FILIP1L: variants seen among roughly 807,000 people sequenced by gnomAD.
FILIP1L encodes filamin A interacting protein 1 like.
FILIP1L carries 55 observed loss-of-function variants against 96.6 expected under a neutral mutation model. The ratio of observed to expected loss-of-function variants is 0.57; its 90% confidence interval spans 0.46 to 0.71. The LOEUF (loss-of-function observed/expected upper bound fraction) is 0.71. Among genes scored for constraint, FILIP1L ranks in the 30% least tolerant of loss-of-function variants. FILIP1L has a pLI of 0.00. For synonymous variants in FILIP1L, 467 were observed against 473.9 expected (o/e 0.99, Z 0.19); for missense variants, 1,304 against 1,321.2 (o/e 0.99, Z 0.20).
intron 1 of FILIP1L, among the ~76,000 whole-genome samples, chr3:100,069,042 G>A (rs1262315096): frequency 6.6e-6 from 1 of 152,106 alleles, no homozygotes; most frequent in African/African-American, 2.4e-5. Context: ...CGTGATTTGG[G>A]CACTTCATAA....
intron 1 of FILIP1L, among the ~76,000 whole-genome samples, chr3:99,985,170 C>A (rs944122489): frequency 6.6e-6 from 1 of 151,840 alleles, no homozygotes; most frequent in Non-Finnish European, 1.5e-5. Flanking sequence ...AAAAATCATC[C>A]TAGGGGGTCA....
intron 1 of FILIP1L, among the ~76,000 whole-genome samples, chr3:100,055,896 A>T (rs767633898): frequency 5.3e-5 from 8 of 152,224 alleles, no homozygotes; most frequent in Non-Finnish European, 1.2e-4. Context: ...CAAGGAGTCC[A>T]AAGATTATCT....
chr3:99,876,188 G>C, intron 4 of FILIP1L: 2 of 985,426 alleles, frequency 2.0e-6, no homozygotes, highest in Non-Finnish European at 2.4e-6. Context: ...GGGGCGCTGA[G>C]CGCGCCCGGC....
At chr3:99,964,823 C>A (rs1476302281) in intron 1 of FILIP1L, among the ~76,000 whole-genome samples, 1 of 152,184 alleles carries the variant, frequency 6.6e-6, no homozygotes, top group African/African-American at 2.4e-5. Flanking sequence ...ACACACCTCT[C>A]ATCTACTATG....
rs543932490 is a variant in FILIP1L, at chr3:100,104,510, T to G, written c.-11+9543A>C. 5.3e-5 allele frequency among the ~76,000 whole-genome samples: 8 copies of G among 152,306 alleles called. No homozygotes were observed. In the South Asian group the frequency reaches 1.4e-3, roughly 28 times the overall value. On this transcript the variant is annotated intron_variant, in intron 1 of 5. Coordinates refer to ENST00000477258, the MANE Select transcript of FILIP1L (RefSeq NM_001387850.1). ...ACTGTTAGCAGTTCACAACTTTGTT[T>G]AAAGAACAATGGCTTGGAACATAGG...
At chr3:100,071,508 A>C (rs776294275) in intron 1 of FILIP1L, among the ~76,000 whole-genome samples, 6 of 152,110 alleles carry the variant, frequency 3.9e-5, no homozygotes, top group Non-Finnish European at 5.9e-5. Flanking sequence ...TAAAATTTAC[A>C]TGGGAGAAGG....
intron 1 of FILIP1L, among the ~76,000 whole-genome samples, chr3:100,061,535 A>G (rs1019626288): frequency 2.0e-5 from 3 of 152,244 alleles, no homozygotes; most frequent in Non-Finnish European, 4.4e-5. Flanking sequence ...AATGAAAAGA[A>G]GAAGAGAAAG....
rs1191106011 is a variant in FILIP1L, at chr3:99,977,538, G to A, written c.-10-46508C>T. Among the ~76,000 whole-genome samples, 9 of 152,100 alleles carry A rather than the reference G, an allele frequency of 5.9e-5. 1 individual carries two copies. In the South Asian group the frequency reaches 1.5e-3, roughly 25 times the overall value. On this transcript the variant is annotated intron_variant, in intron 1 of 5. Transcript: ENST00000477258. ...ATTACTTGTTTTCCTGGGAATGTAA[G>A]CAAGTAATTACCTCCAAAAAGAATA...
chr3:100,011,116 C>T (rs1177017665), intron 1 of FILIP1L, among the ~76,000 whole-genome samples: 1 of 152,076 alleles, frequency 6.6e-6, no homozygotes, highest in East Asian at 1.9e-4. Context: ...TTAAGCACGA[C>T]AGAGACAAAG....
intron 1 of FILIP1L, among the ~76,000 whole-genome samples, chr3:100,110,495 A>G (rs2066472909): frequency 6.6e-6 from 1 of 152,188 alleles, no homozygotes; most frequent in Non-Finnish European, 1.5e-5. Context: ...ATTTCAAGCC[A>G]CAAATAGAGA....
In FILIP1L at chr3:99,849,833, T is replaced by C; in HGVS notation, c.1843A>G (p.Thr615Ala). 6.2e-7 allele frequency: 1 copy of C among 1,611,420 alleles called. No individual in the cohort carries two copies. The highest frequency in any genetic ancestry group is 8.5e-7 in the Non-Finnish European group (1 of 1,179,556). ...TTGTTTTCTTGGTGTAATGCTGTTG[T>C]GGATTTCCCAGAGTCTTGATTTAAT... ...NKLNQDSGKS[T>A]TALHQENNKI... Residue 615 changes from threonine to alanine, a missense_variant, in exon 5 of 6, where the codon ACA becomes GCA. By Grantham distance (58) the Thr-to-Ala change is moderately conservative (BLOSUM62 0). Coordinates refer to ENST00000477258, the MANE Select transcript of FILIP1L (RefSeq NM_001387850.1).
chr3:100,088,712 C>G (rs1240522830), intron 1 of FILIP1L, among the ~76,000 whole-genome samples: 1 of 152,016 alleles, frequency 6.6e-6, no homozygotes, highest in Non-Finnish European at 1.5e-5. Flanking sequence ...TCTTGCTAAT[C>G]CTGACATATT....
intron 1 of FILIP1L, among the ~76,000 whole-genome samples, chr3:100,094,130 G>A (rs996334719): frequency 2.0e-5 from 3 of 152,152 alleles, no homozygotes; most frequent in African/African-American, 7.2e-5. Context: ...AATTCTGATA[G>A]ATGTGTAGTG....
At position 99,910,352 on chromosome 3, in the gene FILIP1L, A is replaced by T. The variant is rs1334254033; in HGVS notation, c.605+13878T>A. 7.3e-5 allele frequency among the ~76,000 whole-genome samples: 10 copies of T among 136,994 alleles called. 2 individuals carry two copies. The Admixed American group carries it at 7.7e-4, about 11-fold the overall frequency. 89.9% of individuals were successfully genotyped at this position (136,994 alleles called of 152,430 possible). ...CTGACTCACACTGTCGACTGATAGAATGCAAACACATTCAGAATTCTCCTG... is the reference window on the plus strand; with the variant it reads ...CTGACTCACACTGTCGACTGATAGATTGCAAACACATTCAGAATTCTCCTG... On this transcript the variant is annotated intron_variant, in intron 4 of 5. Transcript: ENST00000477258.
At chr3:99,991,076 G>T (rs1300861003) in intron 1 of FILIP1L, among the ~76,000 whole-genome samples, 1 of 152,058 alleles carries the variant, frequency 6.6e-6, no homozygotes, top group African/African-American at 2.4e-5. Flanking sequence ...TGTCACTGGG[G>T]GTCAGTCCTG....
intron 1 of FILIP1L, among the ~76,000 whole-genome samples, chr3:100,009,334 G>C (rs902727499): frequency 1.3e-5 from 2 of 152,158 alleles, no homozygotes; most frequent in African/African-American, 4.8e-5. Flanking sequence ...ATTTCACTGA[G>C]GGAGTTAGAG....
chr3:100,002,147 G>A (rs1387262663), intron 1 of FILIP1L, among the ~76,000 whole-genome samples: 1 of 152,186 alleles, frequency 6.6e-6, no homozygotes, highest in African/African-American at 2.4e-5. Context: ...ACAGACCTGT[G>A]TCTCTAATGA....
intron 1 of FILIP1L, among the ~76,000 whole-genome samples, chr3:100,048,287 A>AT (rs2065310426): frequency 6.6e-6 from 1 of 152,218 alleles, no homozygotes; most frequent in Admixed American, 6.5e-5. Context: ...TTATCCCTTA[A>AT]TTTGGTTATG....
chr3:100,001,982 C>T (rs78679226), intron 1 of FILIP1L, among the ~76,000 whole-genome samples: 44 of 152,268 alleles, frequency 2.9e-4, no homozygotes, highest in African/African-American at 1.0e-3. Flanking sequence ...CATATCCCCC[C>T]CAATTCTGAA....
Sources: allele counts gnomAD v4.1 joint callset (sites outside exome capture counted in the v4.1 genomes callset), GRCh38; gene constraint gnomAD v4.1.1; transcripts MANE v1.5; gene names NCBI Gene and HGNC (gene_info 2026-07-23, HGNC 2026-07-21).